The following GRIN2B variants were observed in gnomAD, a reference collection of about 807,000 sequenced individuals.
GRIN2B encodes the protein glutamate ionotropic receptor NMDA type subunit 2B, also known as glutamate receptor ionotropic, NMDA 2B.
A neutral mutation model predicts 114.5 loss-of-function variants in GRIN2B; 5 were observed. That is an observed-to-expected ratio of 0.04 (90% CI 0.02 to 0.09). GRIN2B has a LOEUF of 0.09. Among genes scored for constraint, GRIN2B ranks in the 10% least tolerant of loss-of-function variants. The pLI, the probability that GRIN2B is intolerant of heterozygous loss-of-function variation, is 1.00. For missense variants in GRIN2B, 1,108 were observed against 1,943.5 expected, an observed-to-expected ratio of 0.57 and a Z score of 8.08; for synonymous variants, 787 against 745.1, an observed-to-expected ratio of 1.06 and a Z score of -0.92.
At chr12:13,710,227 C>T (rs922718469) in intron 4 of GRIN2B, among the ~76,000 whole-genome samples, 2 of 151,912 alleles carry the variant, frequency 1.3e-5, no homozygotes, top group Non-Finnish European at 2.9e-5. Flanking sequence ...TGGGATGTAT[C>T]TCAAAATAAT....
chr12:13,878,377 G>A (rs1866022748), intron 2 of GRIN2B, among the ~76,000 whole-genome samples: 1 of 152,140 alleles, frequency 6.6e-6, no homozygotes, highest in East Asian at 1.9e-4. Flanking sequence ...TTCAGAAATT[G>A]CTCCCACCTT....
chr12:13,888,807 G>T (rs1186462194), intron 2 of GRIN2B, among the ~76,000 whole-genome samples: 1 of 149,080 alleles, frequency 6.7e-6, no homozygotes, highest in African/African-American at 2.4e-5. Flanking sequence ...AAAAAAAAAT[G>T]GTATAGGGCA....
rs1252757166 is a variant in GRIN2B at position 13,562,775 on chromosome 12, T to TC, written c.*7dup. 1 of 1,611,440 alleles carries TC rather than the reference T, an allele frequency of 6.2e-7. No homozygotes were observed. The highest frequency in any genetic ancestry group is 8.5e-7 in the Non-Finnish European group (1 of 1,177,546). On this transcript the variant is annotated 3_prime_UTR_variant, in exon 14 of 14. Coordinates refer to ENST00000609686, the MANE Select transcript of GRIN2B (RefSeq NM_000834.5). ...CCCGTACCCACCTTAACCTCTCTGT[T>TC]CCCTCACTCAGACATCAGACTCAAT... is the stretch of plus-strand genomic sequence containing the variant.
chr12:13,710,988 C>G (rs1033633278), intron 4 of GRIN2B, among the ~76,000 whole-genome samples: 3 of 152,066 alleles, frequency 2.0e-5, no homozygotes, highest in East Asian at 1.9e-4. Context: ...TACTACAAGG[C>G]CACAGTAACC....
rs192334812 is a variant in GRIN2B, at chr12:13,863,025, A to T, written c.411+2773T>A. Among the ~76,000 whole-genome samples, 10 of 152,368 alleles carry T rather than the reference A, an allele frequency of 6.6e-5. No homozygotes were observed. The East Asian group carries it at 1.2e-3, about 18-fold the overall frequency. On this transcript the variant is annotated intron_variant, in intron 3 of 13. Coordinates refer to ENST00000609686, the MANE Select transcript of GRIN2B (RefSeq NM_000834.5). ...GATATTTACGCTATTTTAGAAAAGC[A>T]TCTAAAAGTCACTGCCCACCTACCT... is the stretch of plus-strand genomic sequence containing the variant.
At chr12:13,848,371 A>G (rs1865502909) in intron 3 of GRIN2B, among the ~76,000 whole-genome samples, 1 of 152,084 alleles carries the variant, frequency 6.6e-6, no homozygotes, top group African/African-American at 2.4e-5. Context: ...CAGACCCAGG[A>G]CTGAATCGAA....
chr12:13,677,705 G>A (rs770445226), intron 4 of GRIN2B, among the ~76,000 whole-genome samples: 20 of 151,884 alleles, frequency 1.3e-4, no homozygotes, highest in Non-Finnish European at 2.8e-4. Flanking sequence ...TAGGCATCTC[G>A]GTGTTGGCTA....
chr12:13,748,917 G>A (rs911878044), intron 4 of GRIN2B, among the ~76,000 whole-genome samples: 3 of 152,158 alleles, frequency 2.0e-5, no homozygotes, highest in Admixed American at 6.5e-5. Flanking sequence ...TTGTGCTAAC[G>A]AAATTATTCA....
intron 4 of GRIN2B, among the ~76,000 whole-genome samples, chr12:13,745,385 C>G (rs1439968262): frequency 1.3e-5 from 2 of 152,214 alleles, no homozygotes; most frequent in South Asian, 4.1e-4. Flanking sequence ...GAATTTGCAT[C>G]CTTGTCTAGG....
At chr12:13,906,746 G>A (rs1866541889) in intron 2 of GRIN2B, among the ~76,000 whole-genome samples, 1 of 152,154 alleles carries the variant, frequency 6.6e-6, no homozygotes, top group African/African-American at 2.4e-5. Context: ...CAATGTCATT[G>A]TCAAAATGTG....
At chr12:13,712,843 A>C (rs1950426278) in intron 4 of GRIN2B, among the ~76,000 whole-genome samples, 1 of 151,906 alleles carries the variant, frequency 6.6e-6, no homozygotes, top group Non-Finnish European at 1.5e-5. Context: ...AGGTACCCCC[A>C]CATCTTCAAA....
chr12:13,596,802 G>T (rs1040404019), intron 10 of GRIN2B, among the ~76,000 whole-genome samples: 1 of 152,216 alleles, frequency 6.6e-6, no homozygotes, highest in Non-Finnish European at 1.5e-5. Flanking sequence ...TCTCTTCAAG[G>T]TTCCTGTGCA....
intron 10 of GRIN2B, among the ~76,000 whole-genome samples, chr12:13,587,275 T>TTA (rs1170126588): frequency 2.5e-4 from 38 of 152,040 alleles, no homozygotes; most frequent in African/African-American, 9.2e-4. Context: ...ATACCACTCG[T>TTA]AAGCATCTTC....
intron 3 of GRIN2B, among the ~76,000 whole-genome samples, chr12:13,792,946 A>T (rs1864345073): frequency 6.6e-6 from 1 of 152,228 alleles, no homozygotes; most frequent in Non-Finnish European, 1.5e-5. Flanking sequence ...GTCTTAAATG[A>T]GTAGGAAGAA....
At chr12:13,625,600 T>C (rs1337052567) in intron 5 of GRIN2B, among the ~76,000 whole-genome samples, 1 of 152,228 alleles carries the variant, frequency 6.6e-6, no homozygotes, top group African/African-American at 2.4e-5. Flanking sequence ...TTAATGTGAC[T>C]TCCTCCCAGA....
intron 5 of GRIN2B, among the ~76,000 whole-genome samples, chr12:13,662,751 GATATCAGGTA>G (rs1466458835): frequency 6.6e-6 from 1 of 152,120 alleles, no homozygotes; most frequent in Non-Finnish European, 1.5e-5. Context: ...ACTACATGAA[GATATCAGGTA>G]ATTAAGAATC....
rs551539104 is a variant in GRIN2B, at chr12:13,888,590, C to T, written c.-18-22364G>A. Among the ~76,000 whole-genome samples the T allele has an allele frequency of 3.1e-3, 466 of 151,658 alleles. 3 individuals are homozygous for T. Among genetic ancestry groups the T allele is most frequent in the African/African-American group, 0.01 (424 of 41,358 alleles). ...CTCTACTAAAAATACAAAAATTAGC[C>T]GGGTGTGGTGGTGCACTCCTGTGAT... is the stretch of plus-strand genomic sequence containing the variant. On this transcript the variant is annotated intron_variant, in intron 2 of 13. Transcript: ENST00000609686.
At chr12:13,859,752 A>G (rs1303203115) in intron 3 of GRIN2B, among the ~76,000 whole-genome samples, 1 of 152,206 alleles carries the variant, frequency 6.6e-6, no homozygotes, top group Non-Finnish European at 1.5e-5. Flanking sequence ...TTTCCCCATC[A>G]AGAAAGAAGA....
chr12:13,621,181 A>C (rs901352783), intron 5 of GRIN2B, among the ~76,000 whole-genome samples: 6 of 152,198 alleles, frequency 3.9e-5, no homozygotes, highest in Non-Finnish European at 8.8e-5. Flanking sequence ...TATAAATGGA[A>C]AAGTTTGAAA....
Sources: gnomAD v4.1 joint callset for allele counts (sites outside exome capture counted in the v4.1 genomes callset) on GRCh38, gnomAD v4.1.1 for gene constraint, MANE v1.5 for transcripts, NCBI Gene and HGNC (gene_info 2026-07-23, HGNC 2026-07-21) for gene names.